Variants in ST8SIA5 observed in about 807,000 individuals in gnomAD.
The protein encoded by ST8SIA5 is ST8 alpha-N-acetyl-neuraminide alpha-2,8-sialyltransferase 5, also known as alpha-2,8-sialyltransferase 8E.
ST8SIA5 carries 24 observed loss-of-function variants against 40.2 expected under a neutral mutation model. The observed-to-expected ratio is 0.60, with a 90% CI of 0.43 to 0.84. The LOEUF (loss-of-function observed/expected upper bound fraction) is 0.84, where lower values mean the gene tolerates loss of function less well. Ranked by LOEUF, ST8SIA5 falls within the 40% of genes least tolerant of loss-of-function variation. The probability of loss-of-function intolerance (pLI) is 0.00; values close to 1 mark genes in which losing one functional copy is unlikely to be tolerated. For missense variants in ST8SIA5, 465 were observed against 498.5 expected (o/e 0.93, Z 0.64); for synonymous variants, 198 against 201.8 (o/e 0.98, Z 0.16).
In ST8SIA5 at chr18:46,668,226, G is replaced by A. The variant is rs1038849346; in HGVS notation, c.*11816C>T. On this transcript the variant is annotated 3_prime_UTR_variant, in exon 7 of 7. Transcript: ENST00000315087. ...ATCGGGAAAGGCTCCACGGAGCGCA[G>A]TGCAGCGTGACTTGGCTCTTTGAGA... 6.6e-6 allele frequency: 1 copy of A among 152,304 alleles called. No individual in the cohort carries two copies. Among genetic ancestry groups the A allele is most frequent in the Non-Finnish European group, 1.5e-5 (1 of 68,082 alleles). 9.4% of individuals were successfully genotyped at this position (152,304 alleles called of 1,614,324 possible). A position where few individuals can be genotyped will look rare whatever the true frequency, so the allele number is the denominator to read the frequency against.
At chr18:46,739,602 G>A (rs2040068930) in intron 1 of ST8SIA5, among the ~76,000 whole-genome samples, 1 of 152,294 alleles carries the variant, frequency 6.6e-6, no homozygotes, top group African/African-American at 2.4e-5. Flanking sequence ...AGCACAGACT[G>A]ACAATTAGGC....
chr18:46,670,249 C>T lies in ST8SIA5; in HGVS notation c.*9793G>A, dbSNP rs1325370875. ...ATTCTAAAGTGGATAAAACGCAGCC[C>T]TGCCTTCTTAGACAGTGTATTGAAC... On this transcript the variant is annotated 3_prime_UTR_variant, in exon 7 of 7. Coordinates refer to ENST00000315087, the MANE Select transcript of ST8SIA5 (RefSeq NM_013305.6). 1 of 152,150 alleles carries T rather than the reference C, an allele frequency of 6.6e-6. No individual in the cohort carries two copies. The highest frequency in any genetic ancestry group is 6.5e-5 in the Admixed American group (1 of 15,268). 9.4% of individuals were successfully genotyped at this position (152,150 alleles called of 1,614,324 possible).
intron 1 of ST8SIA5, among the ~76,000 whole-genome samples, chr18:46,720,270 T>C (rs559647772): frequency 6.6e-6 from 1 of 152,162 alleles, no homozygotes; most frequent in Non-Finnish European, 1.5e-5. Flanking sequence ...CAGGCCAGCA[T>C]GGGAGGCTCA....
intron 3 of ST8SIA5, among the ~76,000 whole-genome samples, chr18:46,690,819 T>C (rs1431520143): frequency 6.6e-6 from 1 of 152,172 alleles, no homozygotes; most frequent in African/African-American, 2.4e-5. Context: ...TTTCACCATG[T>C]TGGCCAGGCT....
At chr18:46,732,763 C>A (rs4890339) in intron 1 of ST8SIA5, among the ~76,000 whole-genome samples, 1 of 152,068 alleles carries the variant, frequency 6.6e-6, no homozygotes, top group African/African-American at 2.4e-5. Context: ...GCTCGGTTTT[C>A]TTATCTTCAA....
At position 46,704,567 on chromosome 18, in the gene ST8SIA5, C is replaced by G. The variant is rs1393210517; in HGVS notation, c.224+5G>C. Reference sequence around the variant, plus strand: ...CCTGCACCCACCACAAATGGCCACACTCACATGGACAGCACCTTCACTTCC... The same window carrying G: ...CCTGCACCCACCACAAATGGCCACAGTCACATGGACAGCACCTTCACTTCC... On this transcript the variant is annotated splice_donor_5th_base_variant and intron_variant, in intron 2 of 6. Coordinates refer to ENST00000315087, the MANE Select transcript of ST8SIA5 (RefSeq NM_013305.6). 1 of 1,613,776 alleles carries G rather than the reference C, an allele frequency of 6.2e-7. No homozygotes were observed. The highest frequency in any genetic ancestry group is 1.3e-5 in the African/African-American group (1 of 74,982).
In ST8SIA5 at chr18:46,680,207, C is replaced by T; in HGVS notation, c.966G>A (p.Trp322Ter). 1 of 1,614,180 alleles carries T rather than the reference C, an allele frequency of 6.2e-7. No homozygotes were observed. Among genetic ancestry groups the T allele is most frequent in the East Asian group, 2.2e-5 (1 of 44,876 alleles). Residue 322 changes from tryptophan (W) to a stop codon, truncating the protein, a stop_gained, in exon 7 of 7, where the codon TGG becomes TGA. Transcript: ENST00000315087. LOFTEE classifies it high-confidence loss of function. Reference protein sequence around the residue: ...LCEEVHLFGFWAFPMNPSGLY... With the variant: ...LCEEVHLFGF ...GGCCCGAGGGGTTCATGGGGAAGGC[C>T]CAGAAGCCAAAGAGGTGCACCTCCT...
At chr18:46,729,799 C>T (rs2039968660) in intron 1 of ST8SIA5, among the ~76,000 whole-genome samples, 1 of 152,178 alleles carries the variant, frequency 6.6e-6, no homozygotes. Context: ...ACTGCTGCTG[C>T]CCTCAAGAAC....
At position 46,673,295 on chromosome 18, in the gene ST8SIA5, T is replaced by C. The variant is rs991198801; in HGVS notation, c.*6747A>G. The C allele has an allele frequency of 6.6e-6, 1 of 152,218 alleles. No individual in the cohort carries two copies. Among genetic ancestry groups the C allele is most frequent in the Non-Finnish European group, 1.5e-5 (1 of 68,040 alleles). The allele number at this position is 152,218 out of a possible 1,614,324, so 9.4% of individuals were successfully genotyped here. A position where few individuals can be genotyped will look rare whatever the true frequency, so the allele number is the denominator to read the frequency against. On this transcript the variant is annotated 3_prime_UTR_variant, in exon 7 of 7. Coordinates refer to ENST00000315087, the MANE Select transcript of ST8SIA5 (RefSeq NM_013305.6). ...GTTAAAGCAAAACCAATTTTGTAAA[T>C]GTTAGATTCCCGAGCACTTGACTTT...
chr18:46,711,245 A>G (rs1454759071), intron 1 of ST8SIA5, among the ~76,000 whole-genome samples: 1 of 152,202 alleles, frequency 6.6e-6, no homozygotes, highest in Non-Finnish European at 1.5e-5. Flanking sequence ...ATCTTTGTGC[A>G]GTGCCCACCC....
intron 1 of ST8SIA5, among the ~76,000 whole-genome samples, chr18:46,714,703 C>A (rs1267297627): frequency 6.6e-6 from 1 of 152,202 alleles, no homozygotes; most frequent in Non-Finnish European, 1.5e-5. Context: ...GACCCCCTCA[C>A]TCCACCTCCA....
At chr18:46,698,039 A>G (rs962893388) in intron 2 of ST8SIA5, among the ~76,000 whole-genome samples, 5 of 152,232 alleles carry the variant, frequency 3.3e-5, no homozygotes, top group African/African-American at 9.6e-5. Context: ...CAGACTAGCA[A>G]TCAAACCAAC....
intron 1 of ST8SIA5, among the ~76,000 whole-genome samples, chr18:46,719,996 A>G (rs962582329): frequency 2.6e-4 from 40 of 151,280 alleles, no homozygotes; most frequent in African/African-American, 9.0e-4. Context: ...GTGCCACCAC[A>G]CCCGGCTAAT....
chr18:46,729,455 T>C (rs879428196), intron 1 of ST8SIA5, among the ~76,000 whole-genome samples: 89 of 151,540 alleles, frequency 5.9e-4, no homozygotes, highest in Non-Finnish European at 9.1e-4. Flanking sequence ...TTACCAGTCC[T>C]GGGAAAGAGG....
intron 1 of ST8SIA5, among the ~76,000 whole-genome samples, chr18:46,748,003 T>C (rs2040157277): frequency 6.6e-6 from 1 of 150,794 alleles, no homozygotes; most frequent in South Asian, 2.1e-4. Context: ...TTCTCACTCA[T>C]AGGTGGGAAC....
intron 1 of ST8SIA5, among the ~76,000 whole-genome samples, chr18:46,742,428 C>CAAAAA (rs371961982): frequency 6.7e-6 from 1 of 149,164 alleles, no homozygotes; most frequent in Non-Finnish European, 1.5e-5. Flanking sequence ...CAATCAACAA[C>CAAAAA]AAAAAAAAAA....
intron 2 of ST8SIA5, among the ~76,000 whole-genome samples, chr18:46,700,237 T>C (rs2039598404): frequency 1.3e-5 from 2 of 152,362 alleles, no homozygotes; most frequent in South Asian, 4.1e-4. Context: ...GACTGACTTT[T>C]ACCACTGATT....
chr18:46,733,970 T>G (rs559191246), intron 1 of ST8SIA5, among the ~76,000 whole-genome samples: 65 of 152,228 alleles, frequency 4.3e-4, no homozygotes, highest in African/African-American at 1.5e-3. Flanking sequence ...GGGCCCAGAA[T>G]GTAGGCTTCT....
chr18:46,680,286 G>T lies in ST8SIA5; in HGVS notation c.887C>A (p.Ala296Asp). Residue 296 changes from alanine to aspartate, a missense_variant, in exon 7 of 7, where the codon GCC becomes GAC. Transcript: ENST00000315087. The part of the protein sequence containing the change: ...SRYWLSLGVR[A>D]KRISTGLILV... ...AATGAGGCCGGTGCTGATGCGCTTG[G>T]CGCGCACCCCCAGGCTGAGCCAGTA... The T allele has an allele frequency of 6.2e-7, 1 of 1,614,238 alleles. No homozygotes were observed. Among genetic ancestry groups the T allele is most frequent in the Non-Finnish European group, 8.5e-7 (1 of 1,180,044 alleles).
Sources: gnomAD v4.1 joint callset for allele counts (sites outside exome capture counted in the v4.1 genomes callset) on GRCh38, gnomAD v4.1.1 for gene constraint, MANE v1.5 for transcripts, NCBI Gene and HGNC (gene_info 2026-07-23, HGNC 2026-07-21) for gene names.